Variants in GPRIN3 observed in about 807,000 individuals in gnomAD.
The protein encoded by GPRIN3 is G protein-regulated inducer of neurite outgrowth 3.
A neutral mutation model predicts 13.7 loss-of-function variants in GPRIN3; 12 were observed. The ratio of observed to expected loss-of-function variants is 0.87; its 90% CI spans 0.56 to 1.42. The LOEUF (loss-of-function observed/expected upper bound fraction) is 1.42. Ranked by LOEUF, GPRIN3 falls within the 40% of genes most tolerant of loss-of-function variation. The pLI, the probability that GPRIN3 is intolerant of heterozygous loss-of-function variation, is 0.00. For missense variants in GPRIN3, 1,009 were observed against 958.7 expected, an observed-to-expected ratio of 1.05 and a Z score of -0.69; for synonymous variants, 377 against 372.7, an observed-to-expected ratio of 1.01 and a Z score of -0.13.
At position 89,284,081 on chromosome 4, in the gene GPRIN3, A is replaced by G. The variant is rs185974291; in HGVS notation, c.-124+23534T>C. On this transcript the variant is annotated intron_variant, in intron 1 of 1. Transcript: ENST00000609438. The stretch of plus-strand genomic sequence containing the variant: ...GGCAGAAAAGCAACTGTGTTGAGGT[A>G]AACGCTATGACAGATGGTATCACAG... 1.4e-4 allele frequency among the ~76,000 whole-genome samples: 21 copies of G among 152,344 alleles called. 1 individual carries two copies. The highest frequency in any genetic ancestry group is 9.8e-4 in the Admixed American group (15 of 15,306).
At chr4:89,291,308 C>G (rs1724565686) in intron 1 of GPRIN3, among the ~76,000 whole-genome samples, 1 of 151,926 alleles carries the variant, frequency 6.6e-6, no homozygotes, top group Admixed American at 6.6e-5. Context: ...TCCACTGCTC[C>G]CCACCAAGAA....
chr4:89,285,204 T>TG (rs1159999517), intron 1 of GPRIN3, among the ~76,000 whole-genome samples: 1 of 45,966 alleles, frequency 2.2e-5, no homozygotes, highest in East Asian at 5.3e-4. Flanking sequence ...CGGGGTCGGT[T>TG]GGGGGGTCAG....
chr4:89,291,361 T>A (rs1724567055), intron 1 of GPRIN3, among the ~76,000 whole-genome samples: 1 of 152,132 alleles, frequency 6.6e-6, no homozygotes, highest in Non-Finnish European at 1.5e-5. Flanking sequence ...TCCTCACCTT[T>A]AATGCAGACC....
chr4:89,271,400 C>T (rs1019652419), intron 1 of GPRIN3, among the ~76,000 whole-genome samples: 11 of 151,970 alleles, frequency 7.2e-5, no homozygotes, highest in Non-Finnish European at 1.3e-4. Context: ...ATCCAGGACC[C>T]CCACTTCAGA....
rs573189763 is a variant in GPRIN3, at chr4:89,302,791, G to A, written c.-124+4824C>T. On this transcript the variant is annotated intron_variant, in intron 1 of 1. Coordinates refer to ENST00000609438, the MANE Select transcript of GPRIN3 (RefSeq NM_198281.3). The stretch of plus-strand genomic sequence containing the variant: ...TTGTTATTCCAGACTTGACTCTTAC[G>A]TGCAAAAAGTTAGATTATCACTAAT... Among the ~76,000 whole-genome samples, 22 of 152,028 alleles carry A rather than the reference G, an allele frequency of 1.4e-4. No individual in the cohort carries two copies. In the East Asian group the frequency reaches 1.5e-3, roughly 11 times the overall value.
chr4:89,269,411 G>T (rs1723867869), intron 1 of GPRIN3, among the ~76,000 whole-genome samples: 1 of 152,040 alleles, frequency 6.6e-6, no homozygotes, highest in Non-Finnish European at 1.5e-5. Context: ...CTAGATCTGT[G>T]TTACAACGTC....
At chr4:89,281,919 T>C (rs1044773021) in intron 1 of GPRIN3, among the ~76,000 whole-genome samples, 1 of 152,124 alleles carries the variant, frequency 6.6e-6, no homozygotes, top group Non-Finnish European at 1.5e-5. Context: ...GTTGTCTCAT[T>C]GCATTCTAAA....
rs1028149031 is a variant in GPRIN3 at position 89,242,526 on chromosome 4, A to G, written c.*5254T>C. The G allele has an allele frequency of 1.3e-5, 2 of 152,222 alleles. No individual in the cohort carries two copies. Among genetic ancestry groups the G allele is most frequent in the South Asian group, 2.1e-4 (1 of 4,832 alleles). The allele number at this position is 152,222 out of a possible 1,614,324, so 9.4% of individuals were successfully genotyped here. Reference sequence around the variant, plus strand: ...GGCTCACATAAAAACATAGATGCCAACTGTATCCTGACTAATGCTCATTAG... The same window carrying G: ...GGCTCACATAAAAACATAGATGCCAGCTGTATCCTGACTAATGCTCATTAG... On this transcript the variant is annotated 3_prime_UTR_variant, in exon 2 of 2. Transcript: ENST00000609438.
At chr4:89,303,719 C>A (rs1384382500) in intron 1 of GPRIN3, among the ~76,000 whole-genome samples, 1 of 150,220 alleles carries the variant, frequency 6.7e-6, no homozygotes, top group Non-Finnish European at 1.5e-5. Flanking sequence ...GACACCGTCA[C>A]CATTTTACAT....
chr4:89,293,758 C>T (rs1432898679), intron 1 of GPRIN3, among the ~76,000 whole-genome samples: 4 of 152,170 alleles, frequency 2.6e-5, no homozygotes, highest in Admixed American at 1.3e-4. Flanking sequence ...AGCTCCATAC[C>T]AGATGTGACG....
In GPRIN3 at chr4:89,240,777, T is replaced by C. The variant is rs981159832; in HGVS notation, c.*7003A>G. The C allele has an allele frequency of 6.6e-6, 1 of 152,206 alleles. No homozygotes were observed. The highest frequency in any genetic ancestry group is 1.5e-5 in the Non-Finnish European group (1 of 68,030). 9.4% of individuals were successfully genotyped at this position (152,206 alleles called of 1,614,324 possible). A position where few individuals can be genotyped will look rare whatever the true frequency, so the allele number is the denominator to read the frequency against. On this transcript the variant is annotated 3_prime_UTR_variant, in exon 2 of 2. Coordinates refer to ENST00000609438, the MANE Select transcript of GPRIN3 (RefSeq NM_198281.3). ...GAGCAGTCATGGAAATATGCAACTT[T>C]CAATTAGTGGTTTTAATTTGTGATT...
Position 89,249,422 on chromosome 4 carries a change from G to C in GPRIN3, c.689C>G (p.Ser230Cys). Residue 230 changes from serine (S) to cysteine (C), a missense_variant, in exon 2 of 2, where the codon TCT becomes TGT. By Grantham distance (112) the Ser-to-Cys change is moderately radical. Transcript: ENST00000609438. Reference sequence around the variant, plus strand: ...TAGAGGTTTACAGGACCTCATTTCAGAGTCACAGATGGCTCCCTGCCTTTC... The same window carrying C: ...TAGAGGTTTACAGGACCTCATTTCACAGTCACAGATGGCTCCCTGCCTTTC... ...EGERQGAICDSEMRSCKPLTR... is the reference protein window; with the variant it reads ...EGERQGAICDCEMRSCKPLTR... 6.2e-7 allele frequency: 1 copy of C among 1,614,138 alleles called. No individual in the cohort carries two copies. The highest frequency in any genetic ancestry group is 8.5e-7 in the Non-Finnish European group (1 of 1,180,012).
At chr4:89,281,264 C>T (rs1724241937) in intron 1 of GPRIN3, among the ~76,000 whole-genome samples, 1 of 152,110 alleles carries the variant, frequency 6.6e-6, no homozygotes. Flanking sequence ...GCTGGGATTA[C>T]AGGCACCCGC....
chr4:89,260,679 T>A (rs1723598855), intron 1 of GPRIN3, among the ~76,000 whole-genome samples: 1 of 152,228 alleles, frequency 6.6e-6, no homozygotes, highest in Non-Finnish European at 1.5e-5. Flanking sequence ...TATTTCTAAT[T>A]CAATTGACAT....
intron 1 of GPRIN3, among the ~76,000 whole-genome samples, chr4:89,276,535 T>C (rs1259432704): frequency 6.6e-6 from 1 of 152,236 alleles, no homozygotes; most frequent in Non-Finnish European, 1.5e-5. Context: ...ATCTCTCTAG[T>C]GTTCCTCTAC....
chr4:89,278,664 A>C (rs578115655), intron 1 of GPRIN3, among the ~76,000 whole-genome samples: 1 of 152,324 alleles, frequency 6.6e-6, no homozygotes, highest in South Asian at 2.1e-4. Flanking sequence ...TGGACTCATT[A>C]ATGTCTAGAT....
At chr4:89,276,537 T>C (rs1487151921) in intron 1 of GPRIN3, among the ~76,000 whole-genome samples, 1 of 152,220 alleles carries the variant, frequency 6.6e-6, no homozygotes, top group African/African-American at 2.4e-5. Context: ...CTCTCTAGTG[T>C]TCCTCTACAG....
intron 1 of GPRIN3, among the ~76,000 whole-genome samples, chr4:89,257,972 C>T (rs527880324): frequency 2.0e-5 from 3 of 151,902 alleles, no homozygotes; most frequent in African/African-American, 7.2e-5. Flanking sequence ...CATGCATGTA[C>T]GTGTACACAC....
intron 1 of GPRIN3, among the ~76,000 whole-genome samples, chr4:89,288,965 G>A (rs1049177954): frequency 2.6e-5 from 4 of 151,850 alleles, no homozygotes; most frequent in Non-Finnish European, 4.4e-5. Flanking sequence ...TTGCACTCAC[G>A]GCATCGTTTT....
Sources: allele counts gnomAD v4.1 joint callset (sites outside exome capture counted in the v4.1 genomes callset), GRCh38; gene constraint gnomAD v4.1.1; transcripts MANE v1.5; gene names NCBI Gene and HGNC (gene_info 2026-07-23, HGNC 2026-07-21).